Variants in CEP350 observed in about 807,000 individuals in gnomAD.
CEP350 encodes the protein centrosome-associated protein 350.
In CEP350, 126 loss-of-function variants were observed where a neutral mutation model predicts 331.8. The ratio of observed to expected loss-of-function variants is 0.38; its 90% CI spans 0.33 to 0.44. CEP350 has a LOEUF of 0.44. CEP350 is among the 20% of genes least tolerant of loss of function. CEP350 has a pLI of 1.00. For missense variants in CEP350, 3,406 were observed against 3,634.6 expected, an observed-to-expected ratio of 0.94 and a Z score of 1.62; for synonymous variants, 1,200 against 1,259.5, an observed-to-expected ratio of 0.95 and a Z score of 1.00.
intron 1 of CEP350, among the ~76,000 whole-genome samples, chr1:179,957,209 C>T (rs947333793): frequency 1.8e-4 from 28 of 152,196 alleles, no homozygotes; most frequent in African/African-American, 6.7e-4. Context: ...GTAAAACAAA[C>T]ATTCAAGCCA....
intron 37 of CEP350, among the ~76,000 whole-genome samples, chr1:180,101,647 A>C (rs1290164837): frequency 6.6e-6 from 1 of 152,082 alleles, no homozygotes; most frequent in African/African-American, 2.4e-5. Context: ...CCACAGAGTG[A>C]GTGCTCAGTC....
At chr1:179,966,823 G>A (rs1331605145) in intron 1 of CEP350, among the ~76,000 whole-genome samples, 1 of 152,084 alleles carries the variant, frequency 6.6e-6, no homozygotes, top group African/African-American at 2.4e-5. Context: ...GCACACTGAT[G>A]GAGCTTCAGA....
chr1:180,012,330 A>G (rs949159892), intron 9 of CEP350, among the ~76,000 whole-genome samples: 1 of 152,212 alleles, frequency 6.6e-6, no homozygotes, highest in Non-Finnish European at 1.5e-5. Flanking sequence ...TGAAAGCATT[A>G]TTGTAATGAA....
intron 17 of CEP350, 104 bp downstream of exon 17, chr1:180,037,193 G>A (rs1275901140): frequency 2.9e-6 from 3 of 1,028,810 alleles, no homozygotes; most frequent in African/African-American, 3.3e-5. Context: ...GAAAAAAATA[G>A]TCTGCCATAT....
intron 34 of CEP350, among the ~76,000 whole-genome samples, 168 bp downstream of exon 34, chr1:180,094,784 T>G (rs577475968): frequency 1.3e-5 from 2 of 152,310 alleles, no homozygotes; most frequent in Non-Finnish European, 2.9e-5. Context: ...TTAAAGGCCT[T>G]GTAGCTGTTT....
chr1:180,052,164 C>A (rs1054244196), intron 22 of CEP350: 34 of 452,380 alleles, frequency 7.5e-5, no homozygotes, highest in Non-Finnish European at 4.0e-5. Flanking sequence ...AGCAGTGATA[C>A]AACTGTAGTA....
At chr1:180,095,096 T>C (rs1660407876) in intron 34 of CEP350, 3 of 172,784 alleles carry the variant, frequency 1.7e-5, no homozygotes, top group Non-Finnish European at 2.5e-5. Context: ...ATGAAATAGA[T>C]CCACTATGAC....
At chr1:180,081,798 T>TG (rs1659584028) in intron 30 of CEP350, among the ~76,000 whole-genome samples, 1 of 152,248 alleles carries the variant, frequency 6.6e-6, no homozygotes, top group Non-Finnish European at 1.5e-5. Flanking sequence ...GTGTATGTGA[T>TG]ATCATATATC....
At chr1:180,100,637 C>G (rs1660752646) in intron 37 of CEP350, among the ~76,000 whole-genome samples, 1 of 152,146 alleles carries the variant, frequency 6.6e-6, no homozygotes, top group South Asian at 2.1e-4. Flanking sequence ...CGTTTACACA[C>G]AAGTGTGTAA....
In CEP350 at chr1:180,029,274, T is replaced by C. The variant is rs575051939; in HGVS notation, c.3551-2046T>C. ...TAGGCCTTTCTTGCACAGAATGTTA[T>C]CTTGTCTATAATTTCTAGTTGTTTA... On this transcript the variant is annotated intron_variant, in intron 14 of 37. Coordinates refer to ENST00000367607, the MANE Select transcript of CEP350 (RefSeq NM_014810.5). 6.6e-5 allele frequency among the ~76,000 whole-genome samples: 10 copies of C among 152,368 alleles called. No individual in the cohort carries two copies. The South Asian group carries it at 2.1e-3, about 32-fold the overall frequency.
rs115037911 is a variant in CEP350 at position 180,008,646 on chromosome 1, T to C, written c.1246+2079T>C. Among the ~76,000 whole-genome samples the C allele has an allele frequency of 8.1e-3, 1,228 of 152,336 alleles. 11 individuals are homozygous for C. The highest frequency in any genetic ancestry group is 0.014 in the Non-Finnish European group (967 of 68,020). On this transcript the variant is annotated intron_variant, in intron 8 of 37. Transcript: ENST00000367607. Reference sequence around the variant, plus strand: ...ATTAATATTTTGAACATTTGCTGTATGTGAGGTACTGTGCTGTACTAAACT... The same window carrying C: ...ATTAATATTTTGAACATTTGCTGTACGTGAGGTACTGTGCTGTACTAAACT...
In CEP350 at chr1:179,977,171, G is replaced by C. The variant is rs80279181; in HGVS notation, c.-13-8998G>C. ...ATCCAGTCAGCTAGAGCTGGGGTGA[G>C]GGGCAGGTCTTTGTGGATCACAGTA... On this transcript the variant is annotated intron_variant, in intron 1 of 37. Coordinates refer to ENST00000367607, the MANE Select transcript of CEP350 (RefSeq NM_014810.5). Among the ~76,000 whole-genome samples, 1,520 of 152,288 alleles carry C rather than the reference G, an allele frequency of 1.0e-2. 27 individuals carry two copies. Among genetic ancestry groups the C allele is most frequent in the African/African-American group, 0.033 (1,352 of 41,556 alleles).
chr1:180,107,167 T>G (rs1469421120), intron 37 of CEP350, among the ~76,000 whole-genome samples: 1 of 152,208 alleles, frequency 6.6e-6, no homozygotes, highest in Non-Finnish European at 1.5e-5. Flanking sequence ...ACCTTCTATT[T>G]GCACTGTCCT....
At chr1:180,085,649 A>G (rs1442394409) in intron 31 of CEP350, 1 of 152,208 alleles carries the variant, frequency 6.6e-6, no homozygotes, top group Non-Finnish European at 1.5e-5. Flanking sequence ...ACATCATTCA[A>G]CTTCTACCTG....
Position 180,019,854 on chromosome 1 carries a change from G to A in CEP350, c.2175-95G>A, listed in dbSNP as rs1490889999. The A allele has an allele frequency of 5.0e-6, 5 of 997,100 alleles. No homozygotes were observed. The East Asian group carries it at 1.3e-4, about 26-fold the overall frequency. 61.8% of individuals were successfully genotyped at this position (997,100 alleles called of 1,614,324 possible). On this transcript the variant is annotated intron_variant, in intron 11 of 37. Transcript: ENST00000367607. ...ATTTTTTATCTGTCCTTTTTTTGTT[G>A]CAGTGCATCCTCATTACTCTTATAA...
At chr1:179,998,161 A>C (rs1297979766) in intron 6 of CEP350, among the ~76,000 whole-genome samples, 1 of 151,836 alleles carries the variant, frequency 6.6e-6, no homozygotes, top group African/African-American at 2.4e-5. Flanking sequence ...TGATTAGTTT[A>C]ATTCATGTTA....
chr1:180,022,910 C>T, intron 13 of CEP350, 62 bp downstream of exon 13: 3 of 1,468,494 alleles, frequency 2.0e-6, no homozygotes, highest in Non-Finnish European at 1.8e-6. Context: ...CAAATGAGAA[C>T]TCTGGTCTGA....
intron 11 of CEP350, among the ~76,000 whole-genome samples, chr1:180,019,708 A>G (rs1655194933): frequency 1.3e-5 from 2 of 152,186 alleles, no homozygotes; most frequent in African/African-American, 4.8e-5. Flanking sequence ...ATTTTTGTAC[A>G]AACAATACCA....
intron 1 of CEP350, 88 bp downstream of exon 1, chr1:179,955,230 C>T (rs993296303): frequency 1.7e-6 from 2 of 1,146,496 alleles, no homozygotes; most frequent in African/African-American, 1.6e-5. Context: ...CCGGTGGCGG[C>T]AAGAGAGGCG....
Sources: gnomAD v4.1 joint callset for allele counts (sites outside exome capture counted in the v4.1 genomes callset) on GRCh38, gnomAD v4.1.1 for gene constraint, MANE v1.5 for transcripts, NCBI Gene and HGNC (gene_info 2026-07-23, HGNC 2026-07-21) for gene names.